Variants in UNC13C observed in about 807,000 individuals in gnomAD.
UNC13C encodes the protein protein unc-13 homolog C.
A neutral mutation model predicts 245.4 loss-of-function variants in UNC13C; 174 were observed. That is an observed-to-expected ratio of 0.71 (90% CI 0.63 to 0.80). The LOEUF is 0.80. UNC13C is among the 30% of genes least tolerant of loss of function. The probability of loss-of-function intolerance (pLI) is 0.00; values close to 1 mark genes in which losing one functional copy is unlikely to be tolerated. For missense variants in UNC13C, 2,829 were observed against 2,602.9 expected (o/e 1.09, Z -1.89); for synonymous variants, 992 against 895.1 (o/e 1.11, Z -1.93).
chr15:53,862,295 CAG>C, the UNC13C span, among the ~76,000 whole-genome samples: 1 of 152,122 alleles, frequency 6.6e-6, no homozygotes, highest in East Asian at 1.9e-4. Flanking sequence ...GGGAGAAAGT[CAG>C]AGTAAATCAC....
At chr15:54,141,261 T>G (rs2032004783) in intron 2 of UNC13C, among the ~76,000 whole-genome samples, 1 of 152,196 alleles carries the variant, frequency 6.6e-6, no homozygotes, top group African/African-American at 2.4e-5. Context: ...TTTGCATGTT[T>G]TGATTACTAG....
At chr15:54,090,708 A>C (rs887842787) in intron 2 of UNC13C, among the ~76,000 whole-genome samples, 1 of 152,154 alleles carries the variant, frequency 6.6e-6, no homozygotes, top group Non-Finnish European at 1.5e-5. Flanking sequence ...CTGAATGTCA[A>C]TATCCTATAG....
At chr15:53,952,550 C>T in the UNC13C span, among the ~76,000 whole-genome samples, 1 of 152,188 alleles carries the variant, frequency 6.6e-6, no homozygotes. Context: ...TTATTTGAAA[C>T]ACCTTGGGAC....
At chr15:53,843,320 G>A in the UNC13C span, among the ~76,000 whole-genome samples, 22 of 152,248 alleles carry the variant, frequency 1.4e-4, no homozygotes, top group African/African-American at 4.8e-4. Flanking sequence ...GGTGGCTCAT[G>A]CTTGTAGTCC....
chr15:54,079,681 G>A (rs1265477418), intron 2 of UNC13C, among the ~76,000 whole-genome samples: 2 of 152,016 alleles, frequency 1.3e-5, no homozygotes, highest in Admixed American at 6.6e-5. Context: ...AACTGCTGAA[G>A]TTCTTTATCA....
rs1012519925 is a variant in UNC13C at position 53,978,725 on chromosome 15, C to T, written c.-459C>T. ...AGAAAAGAACAGACACCGTTGCAGA[C>T]CAAGGCATGCCTGATTGCACGAGTC... On this transcript the variant is annotated 5_prime_UTR_variant, in exon 1 of 33. Coordinates refer to ENST00000260323, the MANE Select transcript of UNC13C (RefSeq NM_001080534.3). Among the ~76,000 whole-genome samples, 3 of 152,182 alleles carry T rather than the reference C, an allele frequency of 2.0e-5. No individual in the cohort carries two copies. The highest frequency in any genetic ancestry group is 4.4e-5 in the Non-Finnish European group (3 of 68,028).
chr15:53,922,047 T>C, the UNC13C span, among the ~76,000 whole-genome samples: 1 of 152,344 alleles, frequency 6.6e-6, no homozygotes, highest in Non-Finnish European at 1.5e-5. Flanking sequence ...TTTGTTTCAG[T>C]AGCATTTATG....
the UNC13C span, among the ~76,000 whole-genome samples, chr15:53,960,086 T>C: frequency 6.6e-6 from 1 of 152,184 alleles, no homozygotes; most frequent in African/African-American, 2.4e-5. Flanking sequence ...TAAGGAGATA[T>C]GCTACCTCCA....
intron 13 of UNC13C, among the ~76,000 whole-genome samples, chr15:54,317,270 G>T (rs12442994): frequency 2.2e-4 from 34 of 151,934 alleles, no homozygotes; most frequent in Non-Finnish European, 1.5e-5. Flanking sequence ...AATGATAAAC[G>T]TGTGGTGAAG....
intron 17 of UNC13C, among the ~76,000 whole-genome samples, chr15:54,354,952 C>T (rs569638359): frequency 1.3e-5 from 2 of 152,252 alleles, no homozygotes; most frequent in African/African-American, 4.8e-5. Flanking sequence ...TAAATTATTT[C>T]ATTTATGAAT....
chr15:54,109,270 C>A (rs1165550212), intron 2 of UNC13C, among the ~76,000 whole-genome samples: 5 of 77,874 alleles, frequency 6.4e-5, no homozygotes, highest in African/African-American at 2.7e-4. Flanking sequence ...CTTTCCCTCT[C>A]CTCCCCTCCC....
At chr15:54,621,168 A>T (rs979678697) in intron 30 of UNC13C, among the ~76,000 whole-genome samples, 1 of 152,166 alleles carries the variant, frequency 6.6e-6, no homozygotes, top group Non-Finnish European at 1.5e-5. Flanking sequence ...TAGAAACTGA[A>T]AGTCTTTCAG....
intron 2 of UNC13C, among the ~76,000 whole-genome samples, chr15:54,098,932 A>T (rs1008541133): frequency 6.6e-6 from 1 of 152,208 alleles, no homozygotes; most frequent in Non-Finnish European, 1.5e-5. Flanking sequence ...GGAAAGTCTG[A>T]CCACAACTGC....
chr15:54,115,059 C>T, intron 2 of UNC13C, among the ~76,000 whole-genome samples: 1 of 151,934 alleles, frequency 6.6e-6, no homozygotes, highest in East Asian at 1.9e-4. Context: ...CCTCCATTTG[C>T]TCTATGTTCT....
At chr15:54,119,646 G>A (rs2030526855) in intron 2 of UNC13C, among the ~76,000 whole-genome samples, 1 of 152,108 alleles carries the variant, frequency 6.6e-6, no homozygotes, top group Non-Finnish European at 1.5e-5. Context: ...AAATGATTAA[G>A]CTTAGCGGGG....
intron 13 of UNC13C, among the ~76,000 whole-genome samples, chr15:54,303,714 C>T (rs1031836204): frequency 5.3e-5 from 8 of 150,852 alleles, no homozygotes; most frequent in East Asian, 3.9e-4. Context: ...GAGTTCCTGA[C>T]GACATGTGCC....
At chr15:53,849,788 G>A in the UNC13C span, among the ~76,000 whole-genome samples, 13 of 152,094 alleles carry the variant, frequency 8.5e-5, no homozygotes, top group Non-Finnish European at 1.9e-4. Flanking sequence ...TGACATTACA[G>A]GGGCTCCTAA....
At position 54,488,116 on chromosome 15, in the gene UNC13C, A is replaced by C. The variant is rs563276288; in HGVS notation, c.4934-6492A>C. 9.2e-5 allele frequency among the ~76,000 whole-genome samples: 14 copies of C among 152,290 alleles called. No individual in the cohort carries two copies. The South Asian group carries it at 1.7e-3, about 18-fold the overall frequency. Reference sequence around the variant, plus strand: ...TCAACTTCTAATTACATGGCTTACCATTCTTAGCATATAAAAAAGAACTCA... The same window carrying C: ...TCAACTTCTAATTACATGGCTTACCCTTCTTAGCATATAAAAAAGAACTCA... On this transcript the variant is annotated intron_variant, in intron 19 of 32. Transcript: ENST00000260323.
At chr15:54,632,450 G>A (rs977899697), downstream of UNC13C, 4 of 152,058 alleles carry the variant, frequency 2.6e-5, no homozygotes, top group Non-Finnish European at 4.4e-5. Flanking sequence ...GTTTTCATAT[G>A]GAAATTTTAT....
Sources: gnomAD v4.1 joint callset for allele counts (sites outside exome capture counted in the v4.1 genomes callset) on GRCh38, gnomAD v4.1.1 for gene constraint, MANE v1.5 for transcripts, NCBI Gene and HGNC (gene_info 2026-07-23, HGNC 2026-07-21) for gene names.